Variants in SGCZ observed in about 807,000 individuals in gnomAD.
SGCZ encodes the protein sarcoglycan zeta.
In SGCZ, 40 loss-of-function variants were observed where a neutral mutation model predicts 41.3. That is an observed-to-expected ratio of 0.97 (90% CI 0.75 to 1.26). SGCZ has a LOEUF of 1.26. Among genes scored for constraint, SGCZ ranks in the 50% most tolerant of loss-of-function variants. SGCZ has a pLI of 0.00. For synonymous variants in SGCZ, 206 were observed against 137.5 expected (o/e 1.50, Z -3.49); for missense variants, 552 against 369.8 (o/e 1.49, Z -4.04).
At chr8:14,157,233 A>T (rs1803902000) in intron 5 of SGCZ, among the ~76,000 whole-genome samples, 1 of 150,612 alleles carries the variant, frequency 6.6e-6, no homozygotes, top group African/African-American at 2.4e-5. Context: ...GTGGTCCTTC[A>T]TTGGCTGAAC....
chr8:14,286,344 C>T (rs1297990307), intron 3 of SGCZ, among the ~76,000 whole-genome samples: 2 of 152,024 alleles, frequency 1.3e-5, no homozygotes, highest in Non-Finnish European at 2.9e-5. Context: ...TAGTTACAAA[C>T]AAACTCACCA....
chr8:14,981,582 C>T (rs1801663390), intron 1 of SGCZ, among the ~76,000 whole-genome samples: 1 of 152,178 alleles, frequency 6.6e-6, no homozygotes, highest in African/African-American at 2.4e-5. Context: ...CTATATCCCT[C>T]TATATTCTCT....
At chr8:14,257,014 G>A in intron 3 of SGCZ, among the ~76,000 whole-genome samples, 1 of 151,896 alleles carries the variant, frequency 6.6e-6, no homozygotes, top group Non-Finnish European at 1.5e-5. Flanking sequence ...TATTTTTAGG[G>A]TGATACAATA....
rs183672166 is a variant in SGCZ, at chr8:14,282,101, T to C, written c.336+42002A>G. On this transcript the variant is annotated intron_variant, in intron 3 of 7. Coordinates refer to ENST00000382080, the MANE Select transcript of SGCZ (RefSeq NM_139167.4). ...TCTTCATACTATCAAAACAAGGAAT[T>C]TAATAAAAGTTGACTGCACATCTAC... Among the ~76,000 whole-genome samples the C allele has an allele frequency of 2.0e-3, 298 of 149,366 alleles. 1 individual carries two copies. The highest frequency in any genetic ancestry group is 6.9e-3 in the African/African-American group (281 of 40,492).
rs535878786 is a variant in SGCZ, at chr8:14,318,206, G to C, written c.336+5897C>G. The stretch of plus-strand genomic sequence containing the variant: ...AACAAGGAAGAGGAAAGGCGGGAAA[G>C]GGGGGAAGAGAAAAGGAGAGGAACA... On this transcript the variant is annotated intron_variant, in intron 3 of 7. Coordinates refer to ENST00000382080, the MANE Select transcript of SGCZ (RefSeq NM_139167.4). Among the ~76,000 whole-genome samples the C allele has an allele frequency of 2.0e-5, 3 of 151,836 alleles. 1 individual carries two copies. Among genetic ancestry groups the C allele is most frequent in the African/African-American group, 4.8e-5 (2 of 41,476 alleles).
At chr8:14,518,086 A>C (rs1802678458) in intron 2 of SGCZ, among the ~76,000 whole-genome samples, 1 of 151,890 alleles carries the variant, frequency 6.6e-6, no homozygotes, top group South Asian at 2.1e-4. Context: ...GAAAGTGCAT[A>C]GTCTACAGAT....
chr8:14,687,363 G>A (rs865818893), intron 1 of SGCZ, among the ~76,000 whole-genome samples: 3 of 136,950 alleles, frequency 2.2e-5, no homozygotes, highest in African/African-American at 5.1e-5. Flanking sequence ...CCCCACAACA[G>A]TTCCCAGAGT....
At chr8:14,572,180 T>A (rs1804575233) in intron 1 of SGCZ, among the ~76,000 whole-genome samples, 1 of 152,182 alleles carries the variant, frequency 6.6e-6, no homozygotes, top group South Asian at 2.1e-4. Context: ...TTCAACAGTA[T>A]TTTACTGCTC....
intron 1 of SGCZ, among the ~76,000 whole-genome samples, chr8:14,595,605 C>T (rs1414966430): frequency 2.6e-5 from 4 of 152,162 alleles, no homozygotes. Flanking sequence ...AACTAATTCC[C>T]AGTTTGTTTT....
intron 2 of SGCZ, among the ~76,000 whole-genome samples, chr8:14,419,598 A>G (rs191649555): frequency 1.3e-5 from 2 of 152,052 alleles, no homozygotes; most frequent in East Asian, 3.9e-4. Context: ...GACATGCTAC[A>G]AAAAAGGCCT....
intron 1 of SGCZ, among the ~76,000 whole-genome samples, chr8:15,047,425 T>A (rs1585509013): frequency 6.6e-6 from 1 of 152,082 alleles, no homozygotes; most frequent in East Asian, 1.9e-4. Context: ...GAACTTCATA[T>A]AAATGCAGTC....
chr8:14,550,162 G>C (rs1251341518), intron 2 of SGCZ, among the ~76,000 whole-genome samples: 1 of 151,858 alleles, frequency 6.6e-6, no homozygotes, highest in Admixed American at 6.6e-5. Context: ...AAACAACTTA[G>C]GAGAAGAGAT....
At chr8:14,880,497 C>T (rs148205037) in intron 1 of SGCZ, among the ~76,000 whole-genome samples, 8,146 of 152,134 alleles carry the variant, frequency 0.054, 240 homozygotes, top group Non-Finnish European at 0.067. Context: ...TAAAGACACA[C>T]GCACACGTAT....
At chr8:15,034,092 A>C (rs1245336505) in intron 1 of SGCZ, among the ~76,000 whole-genome samples, 1 of 152,186 alleles carries the variant, frequency 6.6e-6, no homozygotes, top group Non-Finnish European at 1.5e-5. Context: ...GAAAACCCAC[A>C]ATAATCTTTG....
chr8:14,934,529 G>T (rs911718125), intron 1 of SGCZ, among the ~76,000 whole-genome samples: 1 of 151,698 alleles, frequency 6.6e-6, no homozygotes, highest in Non-Finnish European at 1.5e-5. Flanking sequence ...TCAGAAGGTA[G>T]AACTGAAGAA....
At chr8:15,006,510 G>A (rs1170202586) in intron 1 of SGCZ, among the ~76,000 whole-genome samples, 1 of 152,152 alleles carries the variant, frequency 6.6e-6, no homozygotes, top group African/African-American at 2.4e-5. Context: ...CTGATGTTAA[G>A]GGAAAGCCTG....
intron 1 of SGCZ, among the ~76,000 whole-genome samples, chr8:15,179,832 G>A (rs929320499): frequency 1.3e-5 from 2 of 152,168 alleles, no homozygotes; most frequent in Non-Finnish European, 2.9e-5. Flanking sequence ...CAGAAGTAAA[G>A]GTACTTTTCT....
chr8:14,935,116 C>A (rs867961614), intron 1 of SGCZ, among the ~76,000 whole-genome samples: 1 of 150,818 alleles, frequency 6.6e-6, no homozygotes, highest in African/African-American at 2.4e-5. Context: ...ACAAAAAGTG[C>A]AAGTATAAAT....
intron 1 of SGCZ, among the ~76,000 whole-genome samples, chr8:14,875,154 A>C (rs975962470): frequency 3.7e-4 from 56 of 152,280 alleles, no homozygotes; most frequent in African/African-American, 1.3e-3. Flanking sequence ...GGTTTTGGTA[A>C]AGGCCTCATC....
Sources: allele counts gnomAD v4.1 joint callset (sites outside exome capture counted in the v4.1 genomes callset), GRCh38; gene constraint gnomAD v4.1.1; transcripts MANE v1.5; gene names NCBI Gene and HGNC (gene_info 2026-07-23, HGNC 2026-07-21).